The following PLEKHM3 variants were observed in gnomAD, a reference collection of about 807,000 sequenced individuals.
PLEKHM3 encodes the protein pleckstrin homology domain containing M3.
Under a neutral mutation model 81.8 loss-of-function variants are expected in PLEKHM3, and 45 were observed. The observed-to-expected ratio is 0.55, with a 90% CI of 0.43 to 0.71. PLEKHM3 has a LOEUF of 0.71. PLEKHM3 is among the 30% of genes least tolerant of loss of function. The pLI, the probability that PLEKHM3 is intolerant of heterozygous loss-of-function variation, is 0.00. For missense variants in PLEKHM3, 788 were observed against 924.3 expected, an observed-to-expected ratio of 0.85 and a Z score of 1.91; for synonymous variants, 352 against 356.4, an observed-to-expected ratio of 0.99 and a Z score of 0.14.
intron 7 of PLEKHM3, among the ~76,000 whole-genome samples, chr2:207,835,563 C>G (rs576164272): frequency 6.6e-6 from 1 of 152,126 alleles, no homozygotes; most frequent in Non-Finnish European, 1.5e-5. Context: ...TGAGTAGGAA[C>G]GTAGTTTTGG....
chr2:208,004,354 G>T (rs960132269), intron 1 of PLEKHM3, among the ~76,000 whole-genome samples: 1 of 151,836 alleles, frequency 6.6e-6, no homozygotes, highest in Admixed American at 6.6e-5. Context: ...AGAGTCGGAG[G>T]TTGCAGTGAG....
At chr2:207,942,226 A>G (rs1393340158) in intron 4 of PLEKHM3, among the ~76,000 whole-genome samples, 2 of 152,274 alleles carry the variant, frequency 1.3e-5, no homozygotes, top group African/African-American at 4.8e-5. Flanking sequence ...GCCATAAAAA[A>G]GAATGAAATT....
intron 5 of PLEKHM3, among the ~76,000 whole-genome samples, chr2:207,927,515 C>CA (rs527604593): frequency 0.074 from 5,143 of 69,832 alleles, 263 homozygotes; most frequent in African/African-American, 0.16. Context: ...GACTCTGTCT[C>CA]AAAAAAAAAA....
At chr2:207,838,622 G>T (rs1158138403) in intron 7 of PLEKHM3, among the ~76,000 whole-genome samples, 1 of 152,144 alleles carries the variant, frequency 6.6e-6, no homozygotes, top group Non-Finnish European at 1.5e-5. Flanking sequence ...AATTATAATA[G>T]ATTTGACCTT....
chr2:207,830,392 T>A (rs1424190915), intron 7 of PLEKHM3, among the ~76,000 whole-genome samples: 2 of 151,972 alleles, frequency 1.3e-5, no homozygotes, highest in Non-Finnish European at 2.9e-5. Context: ...GGTGAGCGGA[T>A]CACCCGAGGT....
chr2:207,854,215 T>C (rs72964850), intron 7 of PLEKHM3, among the ~76,000 whole-genome samples: 385 of 152,336 alleles, frequency 2.5e-3, no homozygotes, highest in Non-Finnish European at 4.3e-3. Context: ...ACAAATTCAC[T>C]AAATACCTTA....
chr2:207,923,495 T>G (rs1412011192), intron 5 of PLEKHM3, among the ~76,000 whole-genome samples: 1 of 151,640 alleles, frequency 6.6e-6, no homozygotes, highest in African/African-American at 2.4e-5. Flanking sequence ...TAACCCCAGC[T>G]ACTCGGGAGG....
intron 7 of PLEKHM3, among the ~76,000 whole-genome samples, chr2:207,840,815 T>C (rs945633951): frequency 1.4e-5 from 2 of 146,270 alleles, no homozygotes; most frequent in African/African-American, 2.5e-5. Flanking sequence ...TTTTTTTTTT[T>C]TTTTTTTGAG....
In PLEKHM3 at chr2:207,995,195, C is replaced by T. The variant is rs1335323739; in HGVS notation, c.610+5835G>A. ...TGGTCTCCTAAGAAACTGTGACCGG[C>T]TCTGTGTCCGAGTATTTCAGTGAAT... On this transcript the variant is annotated intron_variant, in intron 2 of 7. Coordinates refer to ENST00000427836, the MANE Select transcript of PLEKHM3 (RefSeq NM_001080475.3). 3.3e-5 allele frequency among the ~76,000 whole-genome samples: 5 copies of T among 152,132 alleles called. No homozygotes were observed. The East Asian group carries it at 9.6e-4, about 29-fold the overall frequency.
At chr2:207,978,413 G>C (rs1691399125) in intron 2 of PLEKHM3, among the ~76,000 whole-genome samples, 1 of 151,892 alleles carries the variant, frequency 6.6e-6, no homozygotes, top group South Asian at 2.1e-4. Flanking sequence ...ACACAAGAGA[G>C]AACGTGCCTT....
At position 207,823,214 on chromosome 2, in the gene PLEKHM3, T is replaced by C. The variant is rs2092229232; in HGVS notation, c.*5105A>G. On this transcript the variant is annotated 3_prime_UTR_variant, in exon 8 of 8. Coordinates refer to ENST00000427836, the MANE Select transcript of PLEKHM3 (RefSeq NM_001080475.3). ...GGGAAAATCCAAAGCAAAACAGCAGTTGTCTCACTTGAGTTTAGCAATGCT... is the reference window on the plus strand; with the variant it reads ...GGGAAAATCCAAAGCAAAACAGCAGCTGTCTCACTTGAGTTTAGCAATGCT... 1 of 152,180 alleles carries C rather than the reference T, an allele frequency of 6.6e-6. No homozygotes were observed. Among genetic ancestry groups the C allele is most frequent in the African/African-American group, 2.4e-5 (1 of 41,430 alleles). 9.4% of individuals were successfully genotyped at this position (152,180 alleles called of 1,614,324 possible).
At chr2:207,956,544 A>AT (rs200958230) in intron 3 of PLEKHM3, among the ~76,000 whole-genome samples, 27 of 148,474 alleles carry the variant, frequency 1.8e-4, no homozygotes, top group South Asian at 4.3e-4. Flanking sequence ...TAAAAAAAAA[A>AT]TTTTTTTTTT....
chr2:207,833,638 G>C (rs1029343012), intron 7 of PLEKHM3, among the ~76,000 whole-genome samples: 1 of 152,140 alleles, frequency 6.6e-6, no homozygotes, highest in Non-Finnish European at 1.5e-5. Context: ...CAGCATCCCT[G>C]GCCTCTCTCG....
chr2:207,905,244 G>T (rs1399090062), intron 6 of PLEKHM3, among the ~76,000 whole-genome samples: 1 of 152,074 alleles, frequency 6.6e-6, no homozygotes, highest in South Asian at 2.1e-4. Context: ...CTAGTTACTC[G>T]ATATGACAGA....
intron 1 of PLEKHM3, among the ~76,000 whole-genome samples, chr2:208,017,845 C>T (rs1165188651): frequency 1.3e-5 from 2 of 152,188 alleles, no homozygotes; most frequent in Non-Finnish European, 2.9e-5. Context: ...ACCTACTGAA[C>T]ACCCACTCTT....
intron 6 of PLEKHM3, among the ~76,000 whole-genome samples, chr2:207,898,552 GA>G (rs1411186874): frequency 1.3e-5 from 2 of 152,140 alleles, no homozygotes; most frequent in African/African-American, 4.8e-5. Flanking sequence ...CCAGGAGTTC[GA>G]GATCAGCCCG....
rs1688019780 is a variant in PLEKHM3 at position 207,890,249 on chromosome 2, A to C, written c.1950+18265T>G. 2.0e-5 allele frequency among the ~76,000 whole-genome samples: 3 copies of C among 152,262 alleles called. No homozygotes were observed. The South Asian group carries it at 6.2e-4, about 31-fold the overall frequency. ...AGAATGTGTGTTAATAAAACAAAAT[A>C]GAGTTACCAGAAATCTTCAAATTAT... On this transcript the variant is annotated intron_variant, in intron 6 of 7. Coordinates refer to ENST00000427836, the MANE Select transcript of PLEKHM3 (RefSeq NM_001080475.3).
chr2:207,896,378 A>ATG (rs750375197), intron 6 of PLEKHM3, among the ~76,000 whole-genome samples: 78,830 of 151,488 alleles, frequency 0.52, 21,366 homozygotes, highest in Middle Eastern at 0.68. Flanking sequence ...AAGATGCCAT[A>ATG]CATCTTTAAC....
intron 3 of PLEKHM3, among the ~76,000 whole-genome samples, chr2:207,969,468 A>G (rs566895711): frequency 6.6e-6 from 1 of 152,358 alleles, no homozygotes; most frequent in East Asian, 1.9e-4. Flanking sequence ...TTATGTCTAA[A>G]TGATGCCATA....
Sources: allele counts gnomAD v4.1 joint callset (sites outside exome capture counted in the v4.1 genomes callset), GRCh38; gene constraint gnomAD v4.1.1; transcripts MANE v1.5; gene names NCBI Gene and HGNC (gene_info 2026-07-23, HGNC 2026-07-21).